KIAA1328: variants seen among roughly 807,000 people sequenced by gnomAD.
KIAA1328 encodes the protein KIAA1328, also known as protein hinderin.
KIAA1328 carries 52 observed loss-of-function variants against 68.1 expected under a neutral mutation model. That is an observed-to-expected ratio of 0.76 (90% CI 0.61 to 0.96). The LOEUF is 0.96. Among genes scored for constraint, KIAA1328 ranks in the 40% least tolerant of loss-of-function variants. The pLI, the probability that KIAA1328 is intolerant of heterozygous loss-of-function variation, is 0.00. For synonymous variants in KIAA1328, 232 were observed against 239.4 expected, an observed-to-expected ratio of 0.97 and a Z score of 0.28; for missense variants, 641 against 677.6, an observed-to-expected ratio of 0.95 and a Z score of 0.60.
chr18:36,945,431 A>G (rs2151201063), intron 5 of KIAA1328, among the ~76,000 whole-genome samples: 1 of 152,260 alleles, frequency 6.6e-6, no homozygotes, highest in Non-Finnish European at 1.5e-5. Flanking sequence ...CTGAGCAGTA[A>G]TTTACATGTG....
intron 7 of KIAA1328, among the ~76,000 whole-genome samples, chr18:37,076,238 G>C (rs1300913502): frequency 2.0e-5 from 3 of 149,700 alleles, no homozygotes; most frequent in Non-Finnish European, 4.5e-5. Flanking sequence ...TGACTACTGG[G>C]TACATAACGA....
Position 37,117,408 on chromosome 18 carries a change from C to T in KIAA1328, c.1233-42792C>T, listed in dbSNP as rs914773852. Among the ~76,000 whole-genome samples the T allele has an allele frequency of 1.2e-4, 19 of 152,264 alleles. No individual in the cohort carries two copies. The East Asian group carries it at 2.1e-3, about 17-fold the overall frequency. On this transcript the variant is annotated intron_variant, in intron 7 of 9. Coordinates refer to ENST00000280020, the MANE Select transcript of KIAA1328 (RefSeq NM_020776.3). The stretch of plus-strand genomic sequence containing the variant: ...ATCGCAAGGACAGGAAACCAAACAC[C>T]ACATGTTCTCACTCATAGGTGGGAA...
chr18:36,837,025 A>G (rs2046698753), intron 3 of KIAA1328, among the ~76,000 whole-genome samples: 2 of 152,142 alleles, frequency 1.3e-5, no homozygotes, highest in Non-Finnish European at 2.9e-5. Flanking sequence ...GACATGTTCA[A>G]CTTTCTAGCT....
intron 4 of KIAA1328, among the ~76,000 whole-genome samples, chr18:36,855,980 T>C (rs1231923760): frequency 6.6e-6 from 1 of 151,992 alleles, no homozygotes; most frequent in Non-Finnish European, 1.5e-5. Context: ...CAGGATTTTT[T>C]TTTTCTTTCA....
rs184233403 is a variant in KIAA1328, at chr18:37,223,985, A to G, written c.*1758A>G. 424 of 985,430 alleles carry G rather than the reference A, an allele frequency of 4.3e-4. 1 individual carries two copies. The African/African-American group carries it at 6.7e-3, about 16-fold the overall frequency. 61.0% of individuals were successfully genotyped at this position (985,430 alleles called of 1,614,324 possible). On this transcript the variant is annotated 3_prime_UTR_variant, in exon 10 of 10. Coordinates refer to ENST00000280020, the MANE Select transcript of KIAA1328 (RefSeq NM_020776.3). ...TTTCTTTATAAAGTTCACCTCTGAG[A>G]GTAACCAAATCGGTTTCATCCCATA...
chr18:36,998,636 C>T (rs1165279004), intron 6 of KIAA1328, among the ~76,000 whole-genome samples: 2 of 152,174 alleles, frequency 1.3e-5, no homozygotes, highest in Non-Finnish European at 2.9e-5. Context: ...ATAATAACCA[C>T]CCCCTAGCCC....
At chr18:37,017,365 C>T (rs1329516982) in intron 6 of KIAA1328, among the ~76,000 whole-genome samples, 3 of 151,978 alleles carry the variant, frequency 2.0e-5, no homozygotes, top group Non-Finnish European at 1.5e-5. Context: ...TTTATTGAGA[C>T]TTGCTTTACT....
intron 6 of KIAA1328, among the ~76,000 whole-genome samples, chr18:36,973,830 T>TAC (rs111392122): frequency 0.014 from 2,026 of 147,352 alleles, 48 homozygotes; most frequent in African/African-American, 0.046. Flanking sequence ...CACACACACA[T>TAC]ACACACACAC....
downstream of KIAA1328, among the ~76,000 whole-genome samples, chr18:37,227,003 G>A (rs1490665920): frequency 6.6e-6 from 1 of 152,162 alleles, no homozygotes; most frequent in Non-Finnish European, 1.5e-5. Flanking sequence ...CCGACCTCAG[G>A]TGATCCGCCT....
intron 4 of KIAA1328, among the ~76,000 whole-genome samples, chr18:36,872,323 A>G (rs2047974729): frequency 6.6e-6 from 1 of 152,134 alleles, no homozygotes; most frequent in Admixed American, 6.6e-5. Context: ...ATAACAGAAA[A>G]TATCACCTCA....
chr18:36,851,546 T>C (rs538525564), intron 4 of KIAA1328, among the ~76,000 whole-genome samples: 3 of 152,288 alleles, frequency 2.0e-5, no homozygotes, highest in African/African-American at 7.2e-5. Context: ...TTTTTTGTTT[T>C]TTAGGAATTT....
intron 7 of KIAA1328, chr18:37,084,358 T>C (rs773278360): frequency 1.2e-5 from 5 of 415,896 alleles, no homozygotes; most frequent in Admixed American, 4.4e-5. Flanking sequence ...CGTACATTCC[T>C]GTTATACAAT....
At chr18:37,164,315 A>T (rs1365470494) in intron 8 of KIAA1328, among the ~76,000 whole-genome samples, 1 of 152,196 alleles carries the variant, frequency 6.6e-6, no homozygotes, top group Non-Finnish European at 1.5e-5. Context: ...CAAAATAAGG[A>T]CCTACTCAGG....
intron 5 of KIAA1328, among the ~76,000 whole-genome samples, chr18:36,940,505 G>A (rs2050668111): frequency 6.6e-6 from 1 of 152,154 alleles, no homozygotes; most frequent in South Asian, 2.1e-4. Context: ...AAAGCTTGCT[G>A]TAGTTGTGAA....
chr18:36,885,774 A>G (rs2048479277), intron 5 of KIAA1328, 102 bp downstream of exon 5: 6 of 705,120 alleles, frequency 8.5e-6, no homozygotes, highest in Admixed American at 3.0e-5. Flanking sequence ...CTGCAGTGCA[A>G]TGGTGCGATT....
At chr18:37,029,058 C>T (rs938998363) in intron 6 of KIAA1328, among the ~76,000 whole-genome samples, 1 of 152,006 alleles carries the variant, frequency 6.6e-6, no homozygotes, top group Non-Finnish European at 1.5e-5. Flanking sequence ...AAAGTCCCTC[C>T]TACTTGATTT....
At chr18:37,004,963 C>A (rs2053724553) in intron 6 of KIAA1328, among the ~76,000 whole-genome samples, 1 of 152,064 alleles carries the variant, frequency 6.6e-6, no homozygotes, top group Non-Finnish European at 1.5e-5. Context: ...CTGGATGGAA[C>A]TGGAGACTAT....
chr18:36,853,036 C>G (rs576864023), intron 4 of KIAA1328, among the ~76,000 whole-genome samples: 1 of 152,302 alleles, frequency 6.6e-6, no homozygotes, highest in African/African-American at 2.4e-5. Context: ...TTGACTCTCT[C>G]TGCCTATTGT....
chr18:37,193,507 TAC>T (rs1425588265), intron 9 of KIAA1328: 2 of 663,874 alleles, frequency 3.0e-6, no homozygotes, highest in Admixed American at 2.3e-5. Context: ...GAAAAACTTT[TAC>T]AGTTTCAGAA....
Sources: gnomAD v4.1 joint callset for allele counts (sites outside exome capture counted in the v4.1 genomes callset) on GRCh38, gnomAD v4.1.1 for gene constraint, MANE v1.5 for transcripts, NCBI Gene and HGNC (gene_info 2026-07-23, HGNC 2026-07-21) for gene names.